The following CCDC138 variants were observed in gnomAD, a reference collection of about 807,000 sequenced individuals.
CCDC138 encodes the protein coiled-coil domain containing 138.
Under a neutral mutation model 82.3 loss-of-function variants are expected in CCDC138, and 66 were observed. That is an observed-to-expected ratio of 0.80 (90% CI 0.66 to 0.98). CCDC138 has a LOEUF of 0.98. Among genes scored for constraint, CCDC138 ranks in the 50% least tolerant of loss-of-function variants. The pLI is 0.00. For missense variants in CCDC138, 816 were observed against 758.9 expected, an observed-to-expected ratio of 1.08 and a Z score of -0.88; for synonymous variants, 297 against 265.4, an observed-to-expected ratio of 1.12 and a Z score of -1.16.
intron 10 of CCDC138, among the ~76,000 whole-genome samples, chr2:108,831,364 T>C (rs1214021702): frequency 6.6e-6 from 1 of 152,196 alleles, no homozygotes; most frequent in Admixed American, 6.5e-5. Context: ...TTGTTACTTT[T>C]TTAGTAGGAC....
chr2:108,788,812 T>G (rs1679406480), intron 2 of CCDC138, 40 bp from the exon 3 acceptor site: 1 of 1,612,300 alleles, frequency 6.2e-7, no homozygotes, highest in African/African-American at 1.3e-5. Flanking sequence ...TTGTGATATA[T>G]TGTTGTGGTA....
chr2:108,805,118 AT>A, intron 7 of CCDC138, 110 bp downstream of exon 7: 1 of 480,458 alleles, frequency 2.1e-6, no homozygotes, highest in Non-Finnish European at 3.4e-6. Context: ...GAAAATTTGG[AT>A]TACATTTGTT....
At chr2:108,877,813 G>T (rs1696129811), downstream of CCDC138, among the ~76,000 whole-genome samples, 1 of 152,294 alleles carries the variant, frequency 6.6e-6, no homozygotes, top group East Asian at 1.9e-4. Flanking sequence ...TATGAGAAAA[G>T]GGTTCTATAA....
chr2:108,820,549 A>G (rs1180851006), intron 10 of CCDC138, among the ~76,000 whole-genome samples: 1 of 152,192 alleles, frequency 6.6e-6, no homozygotes, highest in Non-Finnish European at 1.5e-5. Context: ...ATTATAATCA[A>G]ATTGTCAAAA....
chr2:108,815,945 C>T lies in CCDC138; in HGVS notation c.1046C>T (p.Pro349Leu). The T allele has an allele frequency of 6.2e-7, 1 of 1,603,874 alleles. No individual in the cohort carries two copies. Among genetic ancestry groups the T allele is most frequent in the Non-Finnish European group, 8.5e-7 (1 of 1,176,402 alleles). The change falls in exon 10 of 15, where the codon CCA becomes CTA. Residue 349 changes from proline (P) to leucine (L), a missense_variant. Transcript: ENST00000295124. ...GATTTAATTTTTGACATATAGGTAC[C>T]ACTTAATGGGCAAGTTTATGAACTT... is the stretch of plus-strand genomic sequence containing the variant. The part of the protein sequence containing the change: ...KAPVSKTYKV[P>L]LNGQVYELLT...
At chr2:108,848,323 G>A (rs1049640837) in intron 12 of CCDC138, among the ~76,000 whole-genome samples, 2 of 152,192 alleles carry the variant, frequency 1.3e-5, no homozygotes, top group Admixed American at 1.3e-4. Context: ...CTTGTGTGCA[G>A]CAGTTTTGGA....
chr2:108,877,786 C>G (rs1035462600), downstream of CCDC138, among the ~76,000 whole-genome samples: 2 of 152,272 alleles, frequency 1.3e-5, no homozygotes, highest in Non-Finnish European at 2.9e-5. Flanking sequence ...AAGGGCTCAT[C>G]ATGTTCCAGA....
chr2:108,852,537 G>A (rs186547210), intron 12 of CCDC138, among the ~76,000 whole-genome samples: 1 of 152,318 alleles, frequency 6.6e-6, no homozygotes, highest in Non-Finnish European at 1.5e-5. Flanking sequence ...TAAAGAAAAT[G>A]TGGTACATAT....
At chr2:108,803,997 ACTT>A (rs1332200010) in intron 6 of CCDC138, among the ~76,000 whole-genome samples, 2 of 152,162 alleles carry the variant, frequency 1.3e-5, no homozygotes, top group Non-Finnish European at 2.9e-5. Context: ...ACAAAGATTA[ACTT>A]CTTAGAATAT....
At chr2:108,819,383 A>G (rs1439551986) in intron 10 of CCDC138, among the ~76,000 whole-genome samples, 1 of 152,212 alleles carries the variant, frequency 6.6e-6, no homozygotes, top group African/African-American at 2.4e-5. Flanking sequence ...ATTTTGGCTT[A>G]TCCAAAGTCT....
chr2:108,863,334 C>G (rs986492653), intron 13 of CCDC138, among the ~76,000 whole-genome samples: 2 of 152,118 alleles, frequency 1.3e-5, no homozygotes, highest in African/African-American at 4.8e-5. Flanking sequence ...TGGAAAAATT[C>G]CCTTTAGGAA....
chr2:108,821,108 AG>A (rs1304041477), intron 10 of CCDC138, among the ~76,000 whole-genome samples: 2 of 152,236 alleles, frequency 1.3e-5, no homozygotes, highest in African/African-American at 4.8e-5. Flanking sequence ...CTGTAATCCT[AG>A]CACTTTAGGA....
At chr2:108,839,432 G>T in intron 11 of CCDC138, 131 bp downstream of exon 11, 1 of 735,616 alleles carries the variant, frequency 1.4e-6, no homozygotes, top group South Asian at 2.6e-5. Context: ...ATGTCTTGCT[G>T]GGATTTTGAT....
chr2:108,812,544 A>G, intron 7 of CCDC138, 87 bp from the exon 8 acceptor site: 1 of 941,894 alleles, frequency 1.1e-6, no homozygotes, highest in Non-Finnish European at 1.7e-6. Flanking sequence ...AGTAATATCA[A>G]CCAGATTAGA....
At chr2:108,827,209 G>A (rs899136236) in intron 10 of CCDC138, among the ~76,000 whole-genome samples, 8 of 152,044 alleles carry the variant, frequency 5.3e-5, no homozygotes, top group African/African-American at 1.9e-4. Flanking sequence ...AAATAATAAT[G>A]TAAAGGAAAG....
At chr2:108,839,413 T>C (rs1287040038) in intron 11 of CCDC138, 112 bp downstream of exon 11, 1 of 868,942 alleles carries the variant, frequency 1.2e-6, no homozygotes, top group Non-Finnish European at 1.7e-6. Flanking sequence ...AGAATAATCT[T>C]CCCTATCTAT....
chr2:108,865,977 T>C (rs1558759757), intron 13 of CCDC138, among the ~76,000 whole-genome samples: 1 of 152,132 alleles, frequency 6.6e-6, no homozygotes, highest in African/African-American at 2.4e-5. Flanking sequence ...CTCTTTCTCT[T>C]CCTGGGGAGA....
intron 12 of CCDC138, among the ~76,000 whole-genome samples, chr2:108,847,294 T>C (rs148483915): frequency 1.1e-3 from 175 of 152,340 alleles, no homozygotes; most frequent in African/African-American, 4.2e-3. Flanking sequence ...ACCTGTTTTG[T>C]AAATGAAGTT....
chr2:108,872,817 C>G (rs1695485441), intron 13 of CCDC138, among the ~76,000 whole-genome samples: 1 of 152,182 alleles, frequency 6.6e-6, no homozygotes, highest in African/African-American at 2.4e-5. Context: ...CAGCATTCTG[C>G]CTGCAGGCCC....
Sources: gnomAD v4.1 joint callset for allele counts (sites outside exome capture counted in the v4.1 genomes callset) on GRCh38, gnomAD v4.1.1 for gene constraint, MANE v1.5 for transcripts, NCBI Gene and HGNC (gene_info 2026-07-23, HGNC 2026-07-21) for gene names.